The following KIF20B variants were observed in gnomAD, a reference collection of about 807,000 sequenced individuals.
KIF20B encodes kinesin-like protein KIF20B.
KIF20B carries 188 observed loss-of-function variants against 232.5 expected under a neutral mutation model. The observed-to-expected ratio is 0.81, with a 90% CI of 0.72 to 0.91. KIF20B has a LOEUF of 0.91. KIF20B is among the 40% of genes least tolerant of loss of function. The pLI is 0.00. For synonymous variants in KIF20B, 712 were observed against 683.0 expected (o/e 1.04, Z -0.66); for missense variants, 2,154 against 2,055.9 (o/e 1.05, Z -0.92).
chr10:89,714,122 T>A, intron 7 of KIF20B, 39 bp downstream of exon 7: 1 of 1,125,808 alleles, frequency 8.9e-7, no homozygotes, highest in Non-Finnish European at 1.3e-6. Flanking sequence ...ATGTATCGAT[T>A]ATATGAAGTA....
intron 26 of KIF20B, among the ~76,000 whole-genome samples, chr10:89,757,036 G>GTATATATATA (rs1227383713): frequency 7.3e-5 from 6 of 82,232 alleles, no homozygotes; most frequent in African/African-American, 2.6e-4. Flanking sequence ...GTGTGTGTGT[G>GTATATATATA]TGTGTATATA....
At chr10:89,717,366 C>A in intron 9 of KIF20B, 58 bp from the exon 10 acceptor site, 1 of 1,056,904 alleles carries the variant, frequency 9.5e-7, no homozygotes. Context: ...ACTTGTCTCT[C>A]CTATTTAGAA....
At chr10:89,711,645 A>G (rs1842839493) in intron 6 of KIF20B, among the ~76,000 whole-genome samples, 1 of 152,028 alleles carries the variant, frequency 6.6e-6, no homozygotes, top group Non-Finnish European at 1.5e-5. Flanking sequence ...TGATGTGTAT[A>G]TCTTCATACC....
chr10:89,739,139 T>C, intron 21 of KIF20B, 43 bp downstream of exon 21: 1 of 1,585,750 alleles, frequency 6.3e-7, no homozygotes, highest in Non-Finnish European at 8.6e-7. Flanking sequence ...ATGATAAAGA[T>C]TGTTTTCCTT....
intron 2 of KIF20B, 33 bp downstream of exon 2, chr10:89,705,474 A>C (rs377188671): frequency 6.3e-7 from 1 of 1,598,844 alleles, no homozygotes; most frequent in African/African-American, 1.3e-5. Context: ...GTTGATTATC[A>C]TGCCTCCTTC....
intron 21 of KIF20B, among the ~76,000 whole-genome samples, chr10:89,741,281 G>A (rs112033279): frequency 0.027 from 4,125 of 152,228 alleles, 84 homozygotes; most frequent in Non-Finnish European, 0.043. Context: ...GAGCTCAGGC[G>A]GTAATGTGAG....
At chr10:89,760,065 C>T (rs958141604) in intron 27 of KIF20B, among the ~76,000 whole-genome samples, 1 of 152,096 alleles carries the variant, frequency 6.6e-6, no homozygotes, top group Admixed American at 6.6e-5. Flanking sequence ...TAGTTGCATT[C>T]CTGAGAAGCC....
At chr10:89,755,397 C>T (rs1011664561) in intron 26 of KIF20B, among the ~76,000 whole-genome samples, 51 of 139,344 alleles carry the variant, frequency 3.7e-4, no homozygotes, top group African/African-American at 1.2e-3. Context: ...CTTCCTTGCT[C>T]CCTCCCTCCC....
chr10:89,772,608 A>G (rs1360402582), intron 31 of KIF20B, 81 bp from the exon 32 acceptor site: 6 of 863,994 alleles, frequency 6.9e-6, no homozygotes, highest in Non-Finnish European at 1.0e-5. Flanking sequence ...AAGGATTTCA[A>G]ACCATCTTTA....
intron 2 of KIF20B, among the ~76,000 whole-genome samples, chr10:89,708,203 G>T (rs551278200): frequency 4.1e-5 from 6 of 145,578 alleles, no homozygotes; most frequent in East Asian, 2.1e-4. Context: ...AAGAGTTTAT[G>T]TACAATTTGT....
chr10:89,714,133 C>T (rs1350323702), intron 7 of KIF20B, 50 bp downstream of exon 7: 7 of 1,018,138 alleles, frequency 6.9e-6, no homozygotes, highest in African/African-American at 3.4e-5. Flanking sequence ...ATATGAAGTA[C>T]ACTTGAAAAG....
At chr10:89,769,772 A>G (rs1842431686) in intron 31 of KIF20B, among the ~76,000 whole-genome samples, 1 of 151,952 alleles carries the variant, frequency 6.6e-6, no homozygotes, top group Admixed American at 6.6e-5. Context: ...ACAGGCAGCA[A>G]TACACATCTG....
At chr10:89,772,562 G>T in intron 31 of KIF20B, 127 bp from the exon 32 acceptor site, 1 of 527,684 alleles carries the variant, frequency 1.9e-6, no homozygotes, top group Non-Finnish European at 3.3e-6. Flanking sequence ...TATATATATT[G>T]CAGTGTTTTT....
At chr10:89,704,298 CCT>C (rs1842677376) in intron 1 of KIF20B, among the ~76,000 whole-genome samples, 1 of 152,020 alleles carries the variant, frequency 6.6e-6, no homozygotes, top group Non-Finnish European at 1.5e-5. Context: ...GAGTCCTCCT[CCT>C]CTCTCTGGTA....
chr10:89,763,673 G>A (rs908307146), intron 29 of KIF20B, among the ~76,000 whole-genome samples: 25 of 152,012 alleles, frequency 1.6e-4, no homozygotes, highest in African/African-American at 6.0e-4. Context: ...TGATTGAAGG[G>A]TTGCCAAACC....
In KIF20B at chr10:89,711,084, C is replaced by T. The variant is rs1292979738; in HGVS notation, c.614C>T (p.Ser205Leu). Residue 205 changes from serine to leucine, a missense_variant, in exon 6 of 33, where the codon TCA becomes TTA. Transcript: ENST00000371728. ...PHRSREYLRL[S>L]SEQEKEEIAS... ...AGATCCAGAGAATACTTAAGGTTAT[C>T]ATCAGAACAAGAGAAAGAAGAAATT... The T allele has an allele frequency of 2.6e-5, 42 of 1,593,826 alleles. No homozygotes were observed. The highest frequency in any genetic ancestry group is 3.6e-5 in the Non-Finnish European group (42 of 1,168,752).
chr10:89,760,834 A>C (rs1842224733), intron 28 of KIF20B, among the ~76,000 whole-genome samples, 198 bp downstream of exon 28: 1 of 152,218 alleles, frequency 6.6e-6, no homozygotes, highest in South Asian at 2.1e-4. Flanking sequence ...TGTTAATCTC[A>C]TCTTAAAAGC....
rs769714206 is a variant in KIF20B at position 89,709,980 on chromosome 10, A to G, written c.405A>G (p.Gln135=). The G allele has an allele frequency of 5.0e-6, 8 of 1,611,446 alleles. No homozygotes were observed. The African/African-American group carries it at 6.7e-5, about 13-fold the overall frequency. Residue 135 remains glutamine, a synonymous_variant, in exon 5 of 33, where the codon CAA becomes CAG. Transcript: ENST00000371728. ...QKEFFQGCIM[Q]PVKDLLKGQS... is the part of the protein sequence containing the mutation. ...AATTCTTTCAGGGTTGCATTATGCA[A>G]CCAGTAAAAGACCTCTTGAAAGGAC...
At position 89,737,596 on chromosome 10, in the gene KIF20B, C is replaced by T; in HGVS notation, c.2755C>T (p.Leu919Phe). ...ACAGATTGTTCATTTTCAGCAGGAA[C>T]TTTCTCTTTCTGAAAAAAAGAATTT... ...NKQIVHFQQE[L>F]SLSEKKNLTL... The change falls in exon 20 of 33, where the codon CTT (leucine) becomes TTT (phenylalanine). Residue 919 changes from leucine (L) to phenylalanine (F), a missense_variant. Leu to Phe is a conservative substitution (Grantham distance 22, BLOSUM62 0). Transcript: ENST00000371728. The T allele has an allele frequency of 6.2e-7, 1 of 1,604,016 alleles. No individual in the cohort carries two copies. Among genetic ancestry groups the T allele is most frequent in the Non-Finnish European group, 8.5e-7 (1 of 1,176,232 alleles).
Sources: allele counts gnomAD v4.1 joint callset (sites outside exome capture counted in the v4.1 genomes callset), GRCh38; gene constraint gnomAD v4.1.1; transcripts MANE v1.5; gene names NCBI Gene and HGNC (gene_info 2026-07-23, HGNC 2026-07-21).